The following VARS1 variants were observed in gnomAD, a reference collection of about 807,000 sequenced individuals.
VARS1 encodes the protein valyl-tRNA synthetase 1, also known as valine--tRNA ligase.
A neutral mutation model predicts 161.0 loss-of-function variants in VARS1; 92 were observed. That is an observed-to-expected ratio of 0.57 (90% CI 0.48 to 0.68). The LOEUF is 0.68. Among genes scored for constraint, VARS1 ranks in the 30% least tolerant of loss-of-function variants. The pLI is 0.00. For missense variants in VARS1, 1,338 were observed against 1,695.9 expected (o/e 0.79, Z 3.71); for synonymous variants, 595 against 682.5 (o/e 0.87, Z 2.00).
At position 31,778,905 on chromosome 6, in the gene VARS1, C is replaced by A. The variant is rs989039340; in HGVS notation, c.3726+62G>T. The A allele has an allele frequency of 6.2e-7, 1 of 1,607,030 alleles. No homozygotes were observed. Among genetic ancestry groups the A allele is most frequent in the African/African-American group, 1.3e-5 (1 of 74,828 alleles). On this transcript the variant is annotated intron_variant, in intron 29 of 29. Transcript: ENST00000375663. This position sits in a 1 kb window ranked among gnomAD's most constrained non-coding sequence, Gnocchi z 5.1. Reference sequence around the variant, plus strand: ...TCAACACCACTGCACTCGGACCAGCCCAGACCAGGGTTTTGATGGAGGAAG... The same window carrying A: ...TCAACACCACTGCACTCGGACCAGCACAGACCAGGGTTTTGATGGAGGAAG...
At position 31,779,599 on chromosome 6, in the gene VARS1, A is replaced by G. The variant is rs1051109379; in HGVS notation, c.3288+9T>C. On this transcript the variant is annotated intron_variant, in intron 27 of 29. Coordinates refer to ENST00000375663, the MANE Select transcript of VARS1 (RefSeq NM_006295.3). The surrounding 1 kb of genome is among the most constrained non-coding windows in gnomAD (Gnocchi z 9.1). ...CAGGTCAGACTCCCCTCTCCAGGCC[A>G]TGCCATACCTCTGAGGGCTCCGGGT... 6.2e-7 allele frequency: 1 copy of G among 1,611,956 alleles called. No homozygotes were observed. The highest frequency in any genetic ancestry group is 8.5e-7 in the Non-Finnish European group (1 of 1,179,348).
At chr6:31,790,222 A>T (rs1813781429) in intron 8 of VARS1, among the ~76,000 whole-genome samples, 1 of 152,132 alleles carries the variant, frequency 6.6e-6, no homozygotes, top group African/African-American at 2.4e-5. Flanking sequence ...AGGTTGGACA[A>T]ACTTGATATA....
chr6:31,782,755 C>T lies in VARS1; in HGVS notation c.1853G>A (p.Arg618Gln), dbSNP rs147295435. ...CGGAGGCACATTGATGAGGGCCCCC[C>T]GGGAGTCCATGATGCTGATGGCCTC... ...GLEAISIMDS[R>Q]GALINVPPPF... The change falls in exon 15 of 30, where the codon CGG (arginine) becomes CAG (glutamine). Residue 618 changes from arginine to glutamine, a missense_variant. Coordinates refer to ENST00000375663, the MANE Select transcript of VARS1 (RefSeq NM_006295.3). This position sits in a 1 kb window ranked among gnomAD's most constrained non-coding sequence, Gnocchi z 8.3. 654 of 1,612,902 alleles carry T rather than the reference C, an allele frequency of 4.1e-4. 1 individual carries two copies. Among genetic ancestry groups the T allele is most frequent in the Non-Finnish European group, 4.8e-4 (563 of 1,180,022 alleles).
chr6:31,782,304 C>T lies in VARS1; in HGVS notation c.2131G>A (p.Ala711Thr). Residue 711 changes from alanine (A) to threonine (T), a missense_variant, in exon 17 of 30, where the codon GCC becomes ACC. Around this residue, in one of 3 missense-constraint regions of VARS1, gnomAD observed 902 missense variants for 1,090.3 expected, o/e 0.83. Coordinates refer to ENST00000375663, the MANE Select transcript of VARS1 (RefSeq NM_006295.3). This position sits in a 1 kb window ranked among gnomAD's most constrained non-coding sequence, Gnocchi z 8.3. ...LPEAHQRTWH[A>T]WMDNIREWCI... ...ACACACCGGATGTTGTCCATCCAGG[C>T]ATGCCATGTGCGCTGATGGGCCTCA... 1 of 1,612,972 alleles carries T rather than the reference C, an allele frequency of 6.2e-7. No individual in the cohort carries two copies. Among genetic ancestry groups the T allele is most frequent in the South Asian group, 1.1e-5 (1 of 91,036 alleles).
chr6:31,785,549 C>G lies in VARS1; in HGVS notation c.1265+20G>C. The stretch of plus-strand genomic sequence containing the variant: ...CAGGGAGGCAGGGCTGCGATGCCCA[C>G]AGGGATGCTGCATACTCACTCCTCC... On this transcript the variant is annotated intron_variant, in intron 9 of 29. Transcript: ENST00000375663. The surrounding 1 kb of genome is among the most constrained non-coding windows in gnomAD (Gnocchi z 6.1). 6.3e-7 allele frequency: 1 copy of G among 1,588,300 alleles called. No homozygotes were observed. Among genetic ancestry groups the G allele is most frequent in the African/African-American group, 1.3e-5 (1 of 74,664 alleles).
rs1375400911 is a variant in VARS1, at chr6:31,780,197, G to A, written c.2926-44C>T. On this transcript the variant is annotated intron_variant, in intron 25 of 29. Transcript: ENST00000375663. The surrounding 1 kb of genome is among the most constrained non-coding windows in gnomAD (Gnocchi z 5.1). ...ATCAGCCGGCGGGCCAGGGGAGGGT[G>A]CCAGAACCCCATGGGGGCAGGAGTC... 6.2e-7 allele frequency: 1 copy of A among 1,607,144 alleles called. No individual in the cohort carries two copies. The highest frequency in any genetic ancestry group is 8.5e-7 in the Non-Finnish European group (1 of 1,178,710).
At chr6:31,790,075 TACACTA>T (rs1427968029) in intron 8 of VARS1, among the ~76,000 whole-genome samples, 6 of 150,302 alleles carry the variant, frequency 4.0e-5, no homozygotes, top group Non-Finnish European at 3.0e-5. Flanking sequence ...TTTAAAAAAA[TACACTA>T]ACACTAACGA....
rs182780892 is a variant in VARS1 at position 31,779,311 on chromosome 6, G to A, written c.3401-19C>T. The A allele has an allele frequency of 5.6e-4, 902 of 1,601,484 alleles. 5 individuals carry two copies. In the African/African-American group the frequency reaches 0.011, roughly 19 times the overall value. On this transcript the variant is annotated intron_variant, in intron 28 of 29. Transcript: ENST00000375663. The surrounding 1 kb of genome is among the most constrained non-coding windows in gnomAD (Gnocchi z 9.1). ...AGGAAACCTGCCAGGGAGGGAGAAA[G>A]GTGAGGCCTAGCTCCATGGAGACAG...
chr6:31,782,446 G>C lies in VARS1; in HGVS notation c.1992-3C>G. 6.2e-7 allele frequency: 1 copy of C among 1,612,054 alleles called. No homozygotes were observed. ...GCTCTACCACGTCCTTCGACCGGCT[G>C]GGGGTACACGTAGGTGAGAAGGCCA... On this transcript the variant is annotated splice_region_variant and splice_polypyrimidine_tract_variant and intron_variant, in intron 16 of 29. Coordinates refer to ENST00000375663, the MANE Select transcript of VARS1 (RefSeq NM_006295.3). The surrounding 1 kb of genome is among the most constrained non-coding windows in gnomAD (Gnocchi z 8.3).
At chr6:31,792,194 G>A (rs1813917973) in intron 6 of VARS1, 23 bp downstream of exon 6, 2 of 1,610,556 alleles carry the variant, frequency 1.2e-6, no homozygotes, top group Admixed American at 1.7e-5. Flanking sequence ...GCTGAGGGGT[G>A]AGCCCCTTCC....
chr6:31,783,095 C>T lies in VARS1; in HGVS notation c.1762+1G>A. 1.2e-6 allele frequency: 2 copies of T among 1,612,418 alleles called. No homozygotes were observed. Among genetic ancestry groups the T allele is most frequent in the Non-Finnish European group, 1.7e-6 (2 of 1,179,776 alleles). On this transcript the variant is annotated splice_donor_variant, in intron 14 of 29. Coordinates refer to ENST00000375663, the MANE Select transcript of VARS1 (RefSeq NM_006295.3). LOFTEE classifies it high-confidence loss of function. ...CCCCACAGGACCAGCCCCTTGCCCA[C>T]CTGTGCCAAAGTCCATGTCCACAAA...
intron 13 of VARS1, among the ~76,000 whole-genome samples, chr6:31,783,981 A>G (rs1813325402): frequency 6.6e-6 from 1 of 152,178 alleles, no homozygotes; most frequent in South Asian, 2.1e-4. Context: ...TTAAAAATGC[A>G]CGAAGGGCTG....
At chr6:31,787,062 CAAAA>C (rs70990276) in intron 8 of VARS1, among the ~76,000 whole-genome samples, 1 of 70,862 alleles carries the variant, frequency 1.4e-5, no homozygotes, top group Admixed American at 1.4e-4. Flanking sequence ...CTAGTCTCTG[CAAAA>C]AAAAAAAAAA....
Position 31,791,721 on chromosome 6 carries a change from G to A in VARS1, c.989C>T (p.Ala330Val). ...KPEYGRPNVS[A>V]ANPRGVFMMC... ...CATGAAGACACCTCGGGGATTTGCT[G>A]CTGACACATTAGGACGCTGATGGTG... The change falls in exon 8 of 30, where the codon GCA becomes GTA. Residue 330 changes from alanine to valine, a missense_variant. This residue lies in a region of VARS1 where 902 missense variants were observed against 1,090.3 expected (regional missense o/e 0.83). Transcript: ENST00000375663. This position sits in a 1 kb window ranked among gnomAD's most constrained non-coding sequence, Gnocchi z 5.0. 1 of 1,613,082 alleles carries A rather than the reference G, an allele frequency of 6.2e-7. No homozygotes were observed. Among genetic ancestry groups the A allele is most frequent in the Non-Finnish European group, 8.5e-7 (1 of 1,180,016 alleles).
rs1813347573 is a variant in VARS1 at position 31,784,311 on chromosome 6, G to A, written c.1577-3C>T. On this transcript the variant is annotated splice_region_variant and splice_polypyrimidine_tract_variant and intron_variant, in intron 12 of 29. Coordinates refer to ENST00000375663, the MANE Select transcript of VARS1 (RefSeq NM_006295.3). This position sits in a 1 kb window ranked among gnomAD's most constrained non-coding sequence, Gnocchi z 6.1. ...CACCACCACCTCCTCGTCGCTATCT[G>A]GGGTGACAGAAGGCCTTGTGGTCTT... is the stretch of plus-strand genomic sequence containing the variant. The A allele has an allele frequency of 3.7e-6, 6 of 1,614,158 alleles. No individual in the cohort carries two copies. Among genetic ancestry groups the A allele is most frequent in the Non-Finnish European group, 5.1e-6 (6 of 1,180,038 alleles).
Position 31,791,716 on chromosome 6 carries a change from T to G in VARS1, c.994A>C (p.Asn332His). The G allele has an allele frequency of 6.2e-7, 1 of 1,613,008 alleles. No individual in the cohort carries two copies. The highest frequency in any genetic ancestry group is 8.5e-7 in the Non-Finnish European group (1 of 1,180,002). The change falls in exon 8 of 30, where the codon AAT becomes CAT. Residue 332 changes from asparagine (N) to histidine (H), a missense_variant. Asn to His is a moderately conservative substitution (Grantham distance 68). This residue lies in a region of VARS1 where 902 missense variants were observed against 1,090.3 expected (regional missense o/e 0.83). Coordinates refer to ENST00000375663, the MANE Select transcript of VARS1 (RefSeq NM_006295.3). The surrounding 1 kb of genome is among the most constrained non-coding windows in gnomAD (Gnocchi z 5.0). Reference protein sequence around the residue: ...EYGRPNVSAANPRGVFMMCIP... With the variant: ...EYGRPNVSAAHPRGVFMMCIP... The stretch of plus-strand genomic sequence containing the variant: ...CACATCATGAAGACACCTCGGGGAT[T>G]TGCTGCTGACACATTAGGACGCTGA...
At position 31,785,772 on chromosome 6, in the gene VARS1, C is replaced by G; in HGVS notation, c.1101-39G>C. 6.4e-7 allele frequency: 1 copy of G among 1,568,664 alleles called. No homozygotes were observed. The highest frequency in any genetic ancestry group is 8.6e-7 in the Non-Finnish European group (1 of 1,164,342). Reference sequence around the variant, plus strand: ...TGGAGGACCAGAGGGTGAGCCAGGCCAGTGGGGCCTGGCACCAAAGAAAGC... The same window carrying G: ...TGGAGGACCAGAGGGTGAGCCAGGCGAGTGGGGCCTGGCACCAAAGAAAGC... On this transcript the variant is annotated intron_variant, in intron 8 of 29. Transcript: ENST00000375663. This position sits in a 1 kb window ranked among gnomAD's most constrained non-coding sequence, Gnocchi z 6.1.
In VARS1 at chr6:31,779,780, T is replaced by G; in HGVS notation, c.3116A>C (p.Gln1039Pro). The change falls in exon 27 of 30, where the codon CAG (glutamine) becomes CCG (proline). Residue 1039 changes from glutamine to proline, a missense_variant. Around this residue, in one of 3 missense-constraint regions of VARS1, gnomAD observed 433 missense variants for 586.2 expected, o/e 0.74. Transcript: ENST00000375663. The surrounding 1 kb of genome is among the most constrained non-coding windows in gnomAD (Gnocchi z 9.1). ...CTGGCGGGCACACTCAGCTGCCACC[T>G]GGTCCACCCCATTCAGTACAGGTTT... ...CLKPVLNGVD[Q>P]VAAECARQTL... 2 of 1,613,012 alleles carry G rather than the reference T, an allele frequency of 1.2e-6. No individual in the cohort carries two copies. The highest frequency in any genetic ancestry group is 4.5e-5 in the East Asian group (2 of 44,874).
Position 31,780,854 on chromosome 6 carries a change from G to C in VARS1, c.2718+16C>G, listed in dbSNP as rs755972835. The C allele has an allele frequency of 6.2e-6, 10 of 1,614,204 alleles. No homozygotes were observed. In the South Asian group the frequency reaches 1.1e-4, roughly 18 times the overall value. ...CCACGCTGTGCTCCTGCTTAGCCCAGCCCAACCCTCCATACCTGCCCTTCT... is the reference window on the plus strand; with the variant it reads ...CCACGCTGTGCTCCTGCTTAGCCCACCCCAACCCTCCATACCTGCCCTTCT... On this transcript the variant is annotated intron_variant, in intron 23 of 29. Coordinates refer to ENST00000375663, the MANE Select transcript of VARS1 (RefSeq NM_006295.3). The surrounding 1 kb of genome is among the most constrained non-coding windows in gnomAD (Gnocchi z 5.1).
Sources: allele counts gnomAD v4.1 joint callset (sites outside exome capture counted in the v4.1 genomes callset), GRCh38; gene constraint gnomAD v4.1.1; regional missense constraint gnomAD v4.1.1; non-coding constraint Gnocchi (gnomAD v3.1); transcripts MANE v1.5; gene names NCBI Gene and HGNC (gene_info 2026-07-23, HGNC 2026-07-21).